Variants in NLRP5 observed in about 807,000 individuals in gnomAD.
NLRP5 encodes the protein NLR family pyrin domain containing 5.
A neutral mutation model predicts 113.1 loss-of-function variants in NLRP5; 93 were observed. The ratio of observed to expected loss-of-function variants is 0.82; its 90% CI spans 0.70 to 0.98. The LOEUF (loss-of-function observed/expected upper bound fraction) is 0.98. NLRP5 is among the 50% of genes least tolerant of loss of function. The pLI, the probability that NLRP5 is intolerant of heterozygous loss-of-function variation, is 0.00. For synonymous variants in NLRP5, 751 were observed against 600.7 expected (o/e 1.25, Z -3.66); for missense variants, 1,808 against 1,514.3 (o/e 1.19, Z -3.22).
At chr19:56,002,497 G>A (rs549661273) in intron 1 of NLRP5, among the ~76,000 whole-genome samples, 169 of 151,384 alleles carry the variant, frequency 1.1e-3, no homozygotes, top group Admixed American at 2.2e-3. Context: ...TAAGTTTTAG[G>A]GTACATATGC....
chr19:56,050,885 G>C (rs1041262323), intron 12 of NLRP5, among the ~76,000 whole-genome samples: 8 of 152,112 alleles, frequency 5.3e-5, no homozygotes, highest in African/African-American at 1.9e-4. Flanking sequence ...CTATTTATCT[G>C]TATGGAGAAG....
At chr19:56,053,881 A>G (rs1266017820) in intron 13 of NLRP5, 73 bp downstream of exon 13, 21 of 1,399,992 alleles carry the variant, frequency 1.5e-5, no homozygotes, top group Admixed American at 5.3e-5. Flanking sequence ...GGTTGCTTGA[A>G]CAGGGATGAT....
intron 6 of NLRP5, among the ~76,000 whole-genome samples, chr19:56,023,836 A>C (rs1159747869): frequency 2.6e-5 from 4 of 152,196 alleles, no homozygotes; most frequent in African/African-American, 9.6e-5. Context: ...TAAGTTCTAG[A>C]ATTTTTATGT....
At chr19:56,011,689 GT>G (rs1982198338) in intron 3 of NLRP5, among the ~76,000 whole-genome samples, 2 of 147,008 alleles carry the variant, frequency 1.4e-5, no homozygotes, top group Non-Finnish European at 3.0e-5. Context: ...CTTTTCCTAT[GT>G]CTTTTTTTTT....
chr19:56,057,434 T>G (rs1984197701), intron 13 of NLRP5, among the ~76,000 whole-genome samples: 1 of 152,236 alleles, frequency 6.6e-6, no homozygotes, highest in Non-Finnish European at 1.5e-5. Context: ...CACCACTGTC[T>G]GGGACTCTTT....
At chr19:56,016,526 G>A (rs138537570) in intron 4 of NLRP5, among the ~76,000 whole-genome samples, 61 of 152,246 alleles carry the variant, frequency 4.0e-4, no homozygotes, top group African/African-American at 1.3e-3. Context: ...ACCACGTTGT[G>A]CAATAGAATA....
chr19:56,058,069 G>A (rs1034406191), intron 13 of NLRP5, among the ~76,000 whole-genome samples, 171 bp from the exon 14 acceptor site: 1 of 149,312 alleles, frequency 6.7e-6, no homozygotes, highest in Non-Finnish European at 1.5e-5. Flanking sequence ...TCTTTCATCA[G>A]AACAACTAAA....
At chr19:56,024,281 C>T (rs1455250956) in intron 6 of NLRP5, among the ~76,000 whole-genome samples, 2 of 147,476 alleles carry the variant, frequency 1.4e-5, no homozygotes, top group African/African-American at 5.0e-5. Flanking sequence ...GTGGGCGGAT[C>T]ACTTGAGGTC....
At position 56,050,503 on chromosome 19, in the gene NLRP5, C is replaced by T. The variant is rs750540760; in HGVS notation, c.3043C>T (p.Leu1015Phe). 5.6e-6 allele frequency: 9 copies of T among 1,613,804 alleles called. No homozygotes were observed. In the African/African-American group the frequency reaches 9.3e-5, roughly 17 times the overall value. ...TAACTCATGGCTGACGCACCTGAGC[C>T]TTAGCATGAACCCTGTGGAAGACAA... is the stretch of plus-strand genomic sequence containing the variant. The change falls in exon 12 of 15, where the codon CTT becomes TTT. Residue 1015 changes from leucine (L) to phenylalanine (F), a missense_variant. Transcript: ENST00000390649.
intron 6 of NLRP5, among the ~76,000 whole-genome samples, chr19:56,024,994 C>G (rs1006535251): frequency 1.3e-5 from 2 of 152,032 alleles, no homozygotes; most frequent in African/African-American, 4.8e-5. Context: ...GCATTTGGTT[C>G]TTCCAGGAGC....
upstream of NLRP5, among the ~76,000 whole-genome samples, chr19:55,997,676 A>G (rs1381966050): frequency 7.0e-6 from 1 of 143,290 alleles, no homozygotes; most frequent in East Asian, 1.9e-4. Context: ...TACCAAAAAT[A>G]CCAAAATACC....
rs1462850712 is a variant in NLRP5 at position 56,022,032 on chromosome 19, A to G, written c.679+1601A>G. ...GTAATGTTGATCCTGTGTGAGCTAC[A>G]TAATCATTCACTCAACCAATATTTG... On this transcript the variant is annotated intron_variant, in intron 6 of 14. Transcript: ENST00000390649. Among the ~76,000 whole-genome samples the G allele has an allele frequency of 3.3e-5, 5 of 152,200 alleles. No homozygotes were observed. The South Asian group carries it at 6.2e-4, about 19-fold the overall frequency.
rs898930698 is a variant in NLRP5 at position 56,027,231 on chromosome 19, C to G, written c.998C>G (p.Thr333Arg). The G allele has an allele frequency of 2.5e-6, 4 of 1,612,692 alleles. No individual in the cohort carries two copies. The African/African-American group carries it at 5.3e-5, about 21-fold the overall frequency. ...CAGCGGAAGAAGGAGAGCAGTGTCA[C>G]AGAGTTCATCTCCAGGGAGTGGCCA... is the stretch of plus-strand genomic sequence containing the variant. The change falls in exon 7 of 15, where the codon ACA becomes AGA. Residue 333 changes from threonine to arginine, a missense_variant. By Grantham distance (71) the Thr-to-Arg change is moderately conservative. Coordinates refer to ENST00000390649, the MANE Select transcript of NLRP5 (RefSeq NM_153447.4).
At chr19:56,043,733 C>T (rs140626747) in intron 11 of NLRP5, among the ~76,000 whole-genome samples, 7,682 of 151,320 alleles carry the variant, frequency 0.051, 235 homozygotes, top group South Asian at 0.1. Context: ...CCACCACACC[C>T]GGCTAATTTT....
intron 6 of NLRP5, among the ~76,000 whole-genome samples, chr19:56,024,378 TATATATA>T (rs1982733845): frequency 3.4e-5 from 4 of 117,650 alleles, no homozygotes; most frequent in Admixed American, 3.4e-4. Flanking sequence ...TATATATGTG[TATATATA>T]ACATATATAC....
intron 3 of NLRP5, among the ~76,000 whole-genome samples, chr19:56,010,741 T>C (rs866532977): frequency 3.6e-4 from 2 of 5,624 alleles, no homozygotes; most frequent in Admixed American, 1.3e-3. Context: ...TAACTCTGTC[T>C]CAAAAAAAAA....
In NLRP5 at chr19:56,027,097, A is replaced by G. The variant is rs1252672388; in HGVS notation, c.864A>G (p.Ser288=). The G allele has an allele frequency of 1.8e-5, 29 of 1,572,164 alleles. No individual in the cohort carries two copies. Among genetic ancestry groups the G allele is most frequent in the Non-Finnish European group, 2.2e-5 (26 of 1,158,940 alleles). The change falls in exon 7 of 15, where the codon TCA becomes TCG. Residue 288 remains serine (S), a synonymous_variant. Coordinates refer to ENST00000390649, the MANE Select transcript of NLRP5 (RefSeq NM_153447.4). ...GCACGGTGGTTCTGCACGGAAAGTC[A>G]GGAATTGGGAAATCGGCTCTAGCCA...
intron 14 of NLRP5, among the ~76,000 whole-genome samples, chr19:56,059,332 C>G (rs1217307502): frequency 6.6e-6 from 1 of 152,132 alleles, no homozygotes; most frequent in African/African-American, 2.4e-5. Flanking sequence ...GACAAAGTGG[C>G]AGTTCACTGA....
chr19:56,031,966 A>C (rs1179816046), intron 7 of NLRP5, among the ~76,000 whole-genome samples: 1 of 152,060 alleles, frequency 6.6e-6, no homozygotes, highest in African/African-American at 2.4e-5. Flanking sequence ...GCTCTATTTT[A>C]ATATTTTTTT....
Sources: gnomAD v4.1 joint callset for allele counts (sites outside exome capture counted in the v4.1 genomes callset) on GRCh38, gnomAD v4.1.1 for gene constraint, MANE v1.5 for transcripts, NCBI Gene and HGNC (gene_info 2026-07-23, HGNC 2026-07-21) for gene names.